Variants in LATS1 observed in about 807,000 individuals in gnomAD.
LATS1 encodes the protein serine/threonine-protein kinase LATS1.
Under a neutral mutation model 106.6 loss-of-function variants are expected in LATS1, and 25 were observed. That is an observed-to-expected ratio of 0.23 (90% CI 0.17 to 0.33). The LOEUF is 0.33. Ranked by LOEUF, LATS1 falls within the 10% of genes least tolerant of loss-of-function variation. The pLI is 1.00. For missense variants in LATS1, 1,040 were observed against 1,382.6 expected, an observed-to-expected ratio of 0.75 and a Z score of 3.93; for synonymous variants, 465 against 455.6, an observed-to-expected ratio of 1.02 and a Z score of -0.26.
chr6:149,704,841 T>A (rs909623908), intron 1 of LATS1, among the ~76,000 whole-genome samples: 1 of 151,504 alleles, frequency 6.6e-6, no homozygotes, highest in African/African-American at 2.4e-5. Flanking sequence ...GTTAAAAATA[T>A]ACCCATTTTT....
chr6:149,673,407 T>C (rs1217142753), intron 7 of LATS1, among the ~76,000 whole-genome samples: 3 of 151,798 alleles, frequency 2.0e-5, no homozygotes, highest in African/African-American at 7.3e-5. Context: ...CCCTTTTATT[T>C]CTTTTCATTG....
chr6:149,679,080 A>G (rs1781889119), intron 5 of LATS1, among the ~76,000 whole-genome samples: 1 of 152,172 alleles, frequency 6.6e-6, no homozygotes, highest in South Asian at 2.1e-4. Context: ...ATTTAAAGAT[A>G]TACACATTTG....
At chr6:149,704,928 A>G (rs929951018) in intron 1 of LATS1, among the ~76,000 whole-genome samples, 2 of 141,346 alleles carry the variant, frequency 1.4e-5, no homozygotes, top group East Asian at 4.2e-4. Flanking sequence ...ACACACACAC[A>G]ATTTGCAGCA....
In LATS1 at chr6:149,678,164, C is replaced by CAAAAAAAA; in HGVS notation, c.2594-1435_2594-1428dup. ...TGAAACCTGGTCTCTACTAAAAATCCAAAAAAAAAAAAAAAAAAAAAAAAA... is the reference window on the plus strand; with the variant it reads ...TGAAACCTGGTCTCTACTAAAAATCCAAAAAAAAAAAAAAAAAAAAAAAAAAAAAAAAA... On this transcript the variant is annotated intron_variant, in intron 5 of 7. Transcript: ENST00000543571. Among the ~76,000 whole-genome samples, 420 of 43,532 alleles carry CAAAAAAAA rather than the reference C, an allele frequency of 9.6e-3. 78 individuals carry two copies. Among genetic ancestry groups the CAAAAAAAA allele is most frequent in the African/African-American group, 0.016 (162 of 10,176 alleles). 28.6% of individuals were successfully genotyped at this position (43,532 alleles called of 152,430 possible).
chr6:149,698,239 CTT>C (rs36006005), intron 2 of LATS1, among the ~76,000 whole-genome samples: 66,565 of 146,138 alleles, frequency 0.46, 15,885 homozygotes, highest in East Asian at 0.81. Context: ...GAATGGGAGT[CTT>C]TTTTTTTTTT....
rs1780823753 is a variant in LATS1, at chr6:149,659,825, T to C, written c.*1904A>G. The C allele has an allele frequency of 8.9e-6, 2 of 225,912 alleles. No homozygotes were observed. Among genetic ancestry groups the C allele is most frequent in the South Asian group, 1.8e-4 (1 of 5,494 alleles). 14.0% of individuals were successfully genotyped at this position (225,912 alleles called of 1,614,324 possible). A position where few individuals can be genotyped will look rare whatever the true frequency, so the allele number is the denominator to read the frequency against. On this transcript the variant is annotated 3_prime_UTR_variant, in exon 8 of 8. Coordinates refer to ENST00000543571, the MANE Select transcript of LATS1 (RefSeq NM_004690.4). ...TTCATGATAGCACATTGTTTTACAA[T>C]TCTGATTAGAAATCCTTCAGAAATA...
At chr6:149,676,860 C>T in intron 5 of LATS1, 123 bp from the exon 6 acceptor site, 1 of 759,956 alleles carries the variant, frequency 1.3e-6, no homozygotes, top group Non-Finnish European at 2.1e-6. Context: ...AACTAAGACA[C>T]AATGTATGCC....
chr6:149,710,008 A>C (rs543325366), intron 1 of LATS1, among the ~76,000 whole-genome samples: 11 of 152,002 alleles, frequency 7.2e-5, no homozygotes, highest in Admixed American at 1.3e-4. Context: ...ACTCCCTTCT[A>C]TTGATTCTAG....
chr6:149,688,609 G>A (rs73608614), intron 3 of LATS1, among the ~76,000 whole-genome samples: 101 of 152,012 alleles, frequency 6.6e-4, no homozygotes, highest in African/African-American at 2.4e-3. Flanking sequence ...CACCCGGGCC[G>A]TTCATTAAAT....
At chr6:149,713,294 ATTTTC>A (rs944938929) in intron 1 of LATS1, among the ~76,000 whole-genome samples, 7 of 151,178 alleles carry the variant, frequency 4.6e-5, no homozygotes, top group African/African-American at 1.5e-4. Flanking sequence ...CAATTGTATT[ATTTTC>A]TTTTTTTTTT....
At chr6:149,687,311 G>A (rs1362145074) in intron 3 of LATS1, among the ~76,000 whole-genome samples, 1 of 152,048 alleles carries the variant, frequency 6.6e-6, no homozygotes, top group Admixed American at 6.6e-5. Context: ...GGCTGGTCTT[G>A]AACTCCTGAC....
intron 1 of LATS1, among the ~76,000 whole-genome samples, chr6:149,706,387 G>A (rs778827757): frequency 8.6e-5 from 13 of 151,662 alleles, no homozygotes; most frequent in Non-Finnish European, 1.8e-4. Context: ...GTGTGTGACT[G>A]TGGTACCAGC....
chr6:149,691,072 T>A (rs902313190), intron 3 of LATS1, among the ~76,000 whole-genome samples: 1 of 152,168 alleles, frequency 6.6e-6, no homozygotes, highest in African/African-American at 2.4e-5. Context: ...TCCCAGGACA[T>A]GACAAGTTAC....
chr6:149,676,160 T>A, intron 7 of LATS1, 100 bp downstream of exon 7: 1 of 822,906 alleles, frequency 1.2e-6, no homozygotes, highest in East Asian at 2.6e-5. Flanking sequence ...CCCAAGTTCA[T>A]TCTTTAACTC....
At chr6:149,693,882 G>C (rs1160923456) in intron 3 of LATS1, among the ~76,000 whole-genome samples, 1 of 152,104 alleles carries the variant, frequency 6.6e-6, no homozygotes, top group African/African-American at 2.4e-5. Flanking sequence ...TTGAGGTCAG[G>C]AGTTCAAGAC....
chr6:149,660,340 G>A lies in LATS1; in HGVS notation c.*1389C>T, dbSNP rs1780840899. The A allele has an allele frequency of 4.3e-6, 1 of 233,008 alleles. No homozygotes were observed. Among genetic ancestry groups the A allele is most frequent in the African/African-American group, 2.2e-5 (1 of 45,424 alleles). The allele number at this position is 233,008 out of a possible 1,614,324, so 14.4% of individuals were successfully genotyped here. On this transcript the variant is annotated 3_prime_UTR_variant, in exon 8 of 8. Coordinates refer to ENST00000543571, the MANE Select transcript of LATS1 (RefSeq NM_004690.4). ...TTTGCCCTAACTCTCCAATTCAACTGCAACAGCTCTGCCTTTAATTTTACT... is the reference window on the plus strand; with the variant it reads ...TTTGCCCTAACTCTCCAATTCAACTACAACAGCTCTGCCTTTAATTTTACT...
intron 1 of LATS1, among the ~76,000 whole-genome samples, chr6:149,714,513 T>C (rs1784279952): frequency 6.6e-6 from 1 of 152,156 alleles, no homozygotes; most frequent in Admixed American, 6.6e-5. Flanking sequence ...GATCACAGAA[T>C]TTTCAAAGGT....
At chr6:149,689,126 C>T (rs1782573838) in intron 3 of LATS1, among the ~76,000 whole-genome samples, 1 of 151,920 alleles carries the variant, frequency 6.6e-6, no homozygotes, top group African/African-American at 2.4e-5. Flanking sequence ...TGAGATAGCG[C>T]CACTGCACTC....
intron 7 of LATS1, among the ~76,000 whole-genome samples, chr6:149,675,391 G>A (rs1781663817): frequency 6.6e-6 from 1 of 152,132 alleles, no homozygotes; most frequent in African/African-American, 2.4e-5. Flanking sequence ...AAATCAGACA[G>A]TGTATGGTCA....
Sources: allele counts gnomAD v4.1 joint callset (sites outside exome capture counted in the v4.1 genomes callset), GRCh38; gene constraint gnomAD v4.1.1; transcripts MANE v1.5; gene names NCBI Gene and HGNC (gene_info 2026-07-23, HGNC 2026-07-21).